Variants in WDR59 observed in about 807,000 individuals in gnomAD.
WDR59 encodes WD repeat domain 59.
A neutral mutation model predicts 131.2 loss-of-function variants in WDR59; 100 were observed. The ratio of observed to expected loss-of-function variants is 0.76; its 90% CI spans 0.65 to 0.90. The LOEUF (loss-of-function observed/expected upper bound fraction) is 0.90. Among genes scored for constraint, WDR59 ranks in the 40% least tolerant of loss-of-function variants. The pLI is 0.00. For missense variants in WDR59, 1,203 were observed against 1,262.2 expected, an observed-to-expected ratio of 0.95 and a Z score of 0.71; for synonymous variants, 601 against 466.2, an observed-to-expected ratio of 1.29 and a Z score of -3.72.
intron 25 of WDR59, among the ~76,000 whole-genome samples, chr16:74,881,872 CAAAAAAAA>C (rs1231563634): frequency 8.3e-5 from 4 of 48,458 alleles, no homozygotes; most frequent in Non-Finnish European, 1.3e-4. Context: ...GACTCCGTCT[CAAAAAAAA>C]AAAAAAAGAA....
At chr16:74,953,054 A>G (rs1416778240) in intron 3 of WDR59, among the ~76,000 whole-genome samples, 1 of 152,254 alleles carries the variant, frequency 6.6e-6, no homozygotes, top group Non-Finnish European at 1.5e-5. Context: ...CACAGCGGGT[A>G]TCATCACCCA....
At chr16:74,884,770 C>T (rs34470087) in intron 25 of WDR59, among the ~76,000 whole-genome samples, 5,299 of 152,294 alleles carry the variant, frequency 0.035, 121 homozygotes, top group Middle Eastern at 0.078. Context: ...CACCTTCCTT[C>T]GCTTGTTCAC....
Position 74,912,306 on chromosome 16 carries a change from G to C in WDR59, c.1281C>G (p.Val427=), listed in dbSNP as rs1216409395. Residue 427 remains valine, a synonymous_variant, in exon 14 of 26, where the codon GTC becomes GTG. Transcript: ENST00000262144. ...GTGCAGGGAACTTCACCAGCATCTT[G>C]ACACGATGGTTGCTGCAGTGCACAG... The part of the protein sequence containing the change: ...TVSVHCSNHR[V]KMLVKFPAQY... 6.2e-7 allele frequency: 1 copy of C among 1,614,136 alleles called. No individual in the cohort carries two copies. Among genetic ancestry groups the C allele is most frequent in the Non-Finnish European group, 8.5e-7 (1 of 1,180,040 alleles).
intron 2 of WDR59, among the ~76,000 whole-genome samples, chr16:74,957,270 G>A (rs939919868): frequency 1.3e-5 from 2 of 151,632 alleles, no homozygotes; most frequent in African/African-American, 2.4e-5. Context: ...TTGTAGAGAC[G>A]GAGTTTCACC....
chr16:74,890,415 T>G (rs1013417698), intron 20 of WDR59, among the ~76,000 whole-genome samples: 1 of 152,166 alleles, frequency 6.6e-6, no homozygotes, highest in African/African-American at 2.4e-5. Context: ...CCCCAAAAAG[T>G]GCTGGGATTA....
chr16:74,875,530 C>A (rs115441671), intron 25 of WDR59, among the ~76,000 whole-genome samples: 245 of 152,228 alleles, frequency 1.6e-3, no homozygotes, highest in African/African-American at 5.6e-3. Context: ...CTCTCTACCC[C>A]AGTTCTTAGA....
intron 13 of WDR59, among the ~76,000 whole-genome samples, chr16:74,914,075 G>A (rs1966241580): frequency 6.6e-6 from 1 of 152,146 alleles, no homozygotes; most frequent in Non-Finnish European, 1.5e-5. Context: ...AGCTGAGCGT[G>A]GTGGCGTGCG....
At chr16:74,929,284 C>G (rs939472104) in intron 8 of WDR59, among the ~76,000 whole-genome samples, 84 of 152,124 alleles carry the variant, frequency 5.5e-4, no homozygotes, top group African/African-American at 1.9e-3. Flanking sequence ...ACTGTGTTAG[C>G]CAGGATGGTC....
chr16:74,888,463 T>C (rs1182768848), intron 21 of WDR59, 144 bp from the exon 22 acceptor site: 6 of 869,360 alleles, frequency 6.9e-6, no homozygotes, highest in African/African-American at 3.5e-5. Flanking sequence ...GAAATGGGGC[T>C]TTCTACAGAT....
chr16:74,975,172 C>G (rs1304358756), intron 1 of WDR59, among the ~76,000 whole-genome samples: 1 of 152,134 alleles, frequency 6.6e-6, no homozygotes, highest in Admixed American at 6.5e-5. Flanking sequence ...ACCAGCCTGG[C>G]CAACATGGCG....
In WDR59 at chr16:74,965,874, G is replaced by A. The variant is rs368442794; in HGVS notation, c.55-52C>T. On this transcript the variant is annotated intron_variant, in intron 1 of 25. Transcript: ENST00000262144. Reference sequence around the variant, plus strand: ...CTGCCAGCAAACCCAGCCGGGGATAGAAGGCAGAGGTCTCTGTGGCTCTTC... The same window carrying A: ...CTGCCAGCAAACCCAGCCGGGGATAAAAGGCAGAGGTCTCTGTGGCTCTTC... 4 of 1,600,878 alleles carry A rather than the reference G, an allele frequency of 2.5e-6. No homozygotes were observed. The African/African-American group carries it at 4.0e-5, about 16-fold the overall frequency.
chr16:74,898,387 A>G (rs1037232690), intron 18 of WDR59, among the ~76,000 whole-genome samples: 5 of 152,218 alleles, frequency 3.3e-5, no homozygotes, highest in African/African-American at 9.6e-5. Flanking sequence ...TGCTCCATCA[A>G]TAGAAAATGT....
At chr16:74,946,278 T>C (rs1361411085) in intron 6 of WDR59, among the ~76,000 whole-genome samples, 1 of 152,246 alleles carries the variant, frequency 6.6e-6, no homozygotes. Context: ...GTATTATCTG[T>C]GGTTTCAGGC....
intron 7 of WDR59, among the ~76,000 whole-genome samples, chr16:74,941,124 C>T (rs577605938): frequency 2.6e-5 from 4 of 151,524 alleles, no homozygotes; most frequent in East Asian, 4.0e-4. Context: ...GTGGGAGGAT[C>T]GCTTGACCCC....
At chr16:74,948,355 G>GC (rs1461204687) in intron 6 of WDR59, among the ~76,000 whole-genome samples, 164 bp downstream of exon 6, 2 of 152,164 alleles carry the variant, frequency 1.3e-5, no homozygotes, top group Non-Finnish European at 2.9e-5. Context: ...TGAGCCCCTT[G>GC]CAACAACATG....
rs561963612 is a variant in WDR59, at chr16:74,952,772, T to C, written c.241-1229A>G. 4.6e-5 allele frequency among the ~76,000 whole-genome samples: 7 copies of C among 150,962 alleles called. 1 individual carries two copies. The East Asian group carries it at 1.4e-3, about 29-fold the overall frequency. ...CTACTTAATAATTTTTTAAATTATA[T>C]ATATATATATATACACATTAGACTG... is the stretch of plus-strand genomic sequence containing the variant. On this transcript the variant is annotated intron_variant, in intron 3 of 25. Coordinates refer to ENST00000262144, the MANE Select transcript of WDR59 (RefSeq NM_030581.4).
At chr16:74,883,571 G>A (rs113810208) in intron 25 of WDR59, among the ~76,000 whole-genome samples, 2,643 of 152,302 alleles carry the variant, frequency 0.017, 57 homozygotes, top group African/African-American at 0.057. Context: ...GAGAAGAGGA[G>A]ATCAGTGTAT....
intron 25 of WDR59, among the ~76,000 whole-genome samples, chr16:74,884,754 C>A (rs1235490596): frequency 6.6e-6 from 1 of 152,224 alleles, no homozygotes; most frequent in East Asian, 1.9e-4. Flanking sequence ...TCCAACCACA[C>A]CACGCCACCT....
chr16:74,950,699 G>A lies in WDR59; in HGVS notation c.326+759C>T, dbSNP rs369000076. 5.9e-5 allele frequency among the ~76,000 whole-genome samples: 9 copies of A among 152,120 alleles called. No homozygotes were observed. The East Asian group carries it at 1.2e-3, about 20-fold the overall frequency. On this transcript the variant is annotated intron_variant, in intron 4 of 25. Transcript: ENST00000262144. ...AACCAACTGGAAGCCTCGACTGGGA[G>A]GCGGCTGTGCCCTTGGGTAATGAAC... is the stretch of plus-strand genomic sequence containing the variant.
Sources: gnomAD v4.1 joint callset for allele counts (sites outside exome capture counted in the v4.1 genomes callset) on GRCh38, gnomAD v4.1.1 for gene constraint, MANE v1.5 for transcripts, NCBI Gene and HGNC (gene_info 2026-07-23, HGNC 2026-07-21) for gene names.